The following CADPS variants were observed in gnomAD, a reference collection of about 807,000 sequenced individuals.
The protein encoded by CADPS is calcium-dependent secretion activator 1.
Under a neutral mutation model 167.3 loss-of-function variants are expected in CADPS, and 57 were observed. The observed-to-expected ratio is 0.34, with a 90% CI of 0.28 to 0.42. CADPS has a LOEUF of 0.42. Among genes scored for constraint, CADPS ranks in the 20% least tolerant of loss-of-function variants. The pLI is 1.00. For synonymous variants in CADPS, 676 were observed against 635.3 expected, an observed-to-expected ratio of 1.06 and a Z score of -0.96; for missense variants, 1,414 against 1,738.1, an observed-to-expected ratio of 0.81 and a Z score of 3.32.
intron 21 of CADPS, among the ~76,000 whole-genome samples, chr3:62,484,910 T>C (rs1184729538): frequency 6.6e-6 from 1 of 152,214 alleles, no homozygotes; most frequent in Non-Finnish European, 1.5e-5. Flanking sequence ...TGTCTTTTCT[T>C]AGTGCTTTGA....
Position 62,825,143 on chromosome 3 carries a change from G to A in CADPS, c.441+49446C>T, listed in dbSNP as rs181480642. 2.6e-3 allele frequency among the ~76,000 whole-genome samples: 394 copies of A among 152,212 alleles called. 2 individuals are homozygous for A. The highest frequency in any genetic ancestry group is 8.6e-3 in the African/African-American group (356 of 41,554). ...ATTGCTTGTTTAGACATGGCTTTCT[G>A]TCAACCAGGAAGTTCCGTCAGTTTC... On this transcript the variant is annotated intron_variant, in intron 1 of 29. Transcript: ENST00000383710.
chr3:62,620,821 G>A (rs1037923531), intron 6 of CADPS, among the ~76,000 whole-genome samples: 7 of 152,178 alleles, frequency 4.6e-5, no homozygotes, highest in African/African-American at 1.7e-4. Context: ...CCTGGTACCT[G>A]TGACTGAGGG....
chr3:62,570,301 C>T (rs922407224), intron 9 of CADPS, among the ~76,000 whole-genome samples: 8 of 150,258 alleles, frequency 5.3e-5, no homozygotes, highest in Admixed American at 1.3e-4. Context: ...AGTTATGGGA[C>T]GTTGGCTAAG....
intron 1 of CADPS, among the ~76,000 whole-genome samples, chr3:62,841,258 A>C (rs1302226530): frequency 6.6e-6 from 1 of 152,186 alleles, no homozygotes; most frequent in African/African-American, 2.4e-5. Context: ...AAAACAAACA[A>C]CAGAAGTCCA....
At chr3:62,597,947 G>C (rs1242263562) in intron 6 of CADPS, among the ~76,000 whole-genome samples, 1 of 151,980 alleles carries the variant, frequency 6.6e-6, no homozygotes, top group Non-Finnish European at 1.5e-5. Context: ...AGGGCCCAGT[G>C]CAAATAAAAA....
chr3:62,481,238 G>T (rs956049401), intron 22 of CADPS, among the ~76,000 whole-genome samples: 1 of 152,044 alleles, frequency 6.6e-6, no homozygotes, highest in African/African-American at 2.4e-5. Flanking sequence ...ACTATATCCT[G>T]CCATTTGCTG....
intron 1 of CADPS, among the ~76,000 whole-genome samples, chr3:62,791,493 T>C (rs2092941883): frequency 6.6e-6 from 1 of 152,204 alleles, no homozygotes; most frequent in African/African-American, 2.4e-5. Context: ...TTCCCTATTG[T>C]AACCTACTGA....
At chr3:62,435,355 C>A (rs1236829758) in intron 28 of CADPS, among the ~76,000 whole-genome samples, 1 of 152,094 alleles carries the variant, frequency 6.6e-6, no homozygotes, top group Admixed American at 6.6e-5. Context: ...GAAATAAACA[C>A]CATGCTTGAG....
intron 3 of CADPS, among the ~76,000 whole-genome samples, chr3:62,697,064 T>A (rs2080438613): frequency 6.6e-6 from 1 of 152,126 alleles, no homozygotes; most frequent in African/African-American, 2.4e-5. Flanking sequence ...AAATCTTGCC[T>A]CAATCAACCC....
intron 3 of CADPS, among the ~76,000 whole-genome samples, chr3:62,729,889 T>G (rs949029512): frequency 6.6e-5 from 10 of 151,846 alleles, no homozygotes; most frequent in Non-Finnish European, 1.5e-5. Context: ...AAGGCTATAC[T>G]CTCAGCTCTC....
At chr3:62,776,132 C>T (rs562168759) in intron 1 of CADPS, among the ~76,000 whole-genome samples, 1 of 152,266 alleles carries the variant, frequency 6.6e-6, no homozygotes, top group East Asian at 1.9e-4. Flanking sequence ...AGAACCACTG[C>T]TGTAGTGAAT....
chr3:62,731,661 C>A (rs752113287), intron 3 of CADPS, among the ~76,000 whole-genome samples: 3 of 151,586 alleles, frequency 2.0e-5, no homozygotes, highest in Admixed American at 2.0e-4. Context: ...AAATAAATTG[C>A]AATGTGAGGT....
chr3:62,829,511 G>T (rs2074678584), intron 1 of CADPS, among the ~76,000 whole-genome samples: 1 of 152,036 alleles, frequency 6.6e-6, no homozygotes, highest in African/African-American at 2.4e-5. Context: ...ACAGGTTATA[G>T]TGAATATTGT....
intron 21 of CADPS, 130 bp downstream of exon 21, chr3:62,491,209 G>T: frequency 9.3e-7 from 1 of 1,073,588 alleles, no homozygotes. Flanking sequence ...CATCATAGTA[G>T]AAGAAATGTA....
At chr3:62,434,253 T>A (rs2054541903) in intron 28 of CADPS, among the ~76,000 whole-genome samples, 1 of 152,212 alleles carries the variant, frequency 6.6e-6, no homozygotes, top group Non-Finnish European at 1.5e-5. Context: ...CAATTACACT[T>A]CATTTTTTAT....
chr3:62,710,986 C>T (rs908976663), intron 3 of CADPS, among the ~76,000 whole-genome samples: 1 of 152,054 alleles, frequency 6.6e-6, no homozygotes, highest in Non-Finnish European at 1.5e-5. Flanking sequence ...TGCCCCTCCC[C>T]CAGAAGCCAG....
chr3:62,617,652 T>C (rs1188802070), intron 6 of CADPS, among the ~76,000 whole-genome samples: 1 of 151,910 alleles, frequency 6.6e-6, no homozygotes, highest in African/African-American at 2.4e-5. Context: ...CTTATTTAAT[T>C]TGGGGATGAG....
chr3:62,557,545 C>T, intron 9 of CADPS, 32 bp from the exon 10 acceptor site: 1 of 1,532,292 alleles, frequency 6.5e-7, no homozygotes. Context: ...TGAGGTTGAC[C>T]CCTGGAGCCT....
At chr3:62,668,493 C>G (rs997746470) in intron 3 of CADPS, among the ~76,000 whole-genome samples, 1 of 152,168 alleles carries the variant, frequency 6.6e-6, no homozygotes, top group Admixed American at 6.5e-5. Context: ...GAGCACTCTT[C>G]CTTATCTCTC....
Sources: allele counts gnomAD v4.1 joint callset (sites outside exome capture counted in the v4.1 genomes callset), GRCh38; gene constraint gnomAD v4.1.1; transcripts MANE v1.5; gene names NCBI Gene and HGNC (gene_info 2026-07-23, HGNC 2026-07-21).